DCDC1: variants seen among roughly 807,000 people sequenced by gnomAD.
DCDC1 encodes the protein doublecortin domain-containing protein 1.
Under a neutral mutation model 178.3 loss-of-function variants are expected in DCDC1, and 200 were observed. The observed-to-expected ratio is 1.12, with a 90% CI of 1.00 to 1.26. DCDC1 has a LOEUF of 1.26. DCDC1 is among the 50% of genes most tolerant of loss of function. The pLI, the probability that DCDC1 is intolerant of heterozygous loss-of-function variation, is 0.00. For synonymous variants in DCDC1, 690 were observed against 604.8 expected (o/e 1.14, Z -2.07); for missense variants, 1,983 against 1,749.2 (o/e 1.13, Z -2.38).
intron 20 of DCDC1, among the ~76,000 whole-genome samples, chr11:31,036,494 GT>G (rs1411304968): frequency 6.6e-6 from 1 of 152,138 alleles, no homozygotes; most frequent in Non-Finnish European, 1.5e-5. Context: ...ATTAATAGCA[GT>G]GCCTTCTCTA....
intron 15 of DCDC1, among the ~76,000 whole-genome samples, chr11:31,095,045 T>C (rs1173055629): frequency 6.6e-6 from 1 of 151,350 alleles, no homozygotes; most frequent in Non-Finnish European, 1.5e-5. Flanking sequence ...CATGTGGTGT[T>C]TGGTTTTCTG....
intron 8 of DCDC1, among the ~76,000 whole-genome samples, chr11:31,256,896 C>T (rs1944446372): frequency 6.6e-6 from 1 of 152,092 alleles, no homozygotes; most frequent in South Asian, 2.1e-4. Flanking sequence ...CATTAGTATA[C>T]TGAGGTGGGC....
Position 31,064,465 on chromosome 11 carries a change from C to A in DCDC1, c.2591+4G>T. ...AATAAAGCTCAGTTCTGTCAGTACCCTACCTCTGAGCAGAAGCCTTAGGAT... is the reference window on the plus strand; with the variant it reads ...AATAAAGCTCAGTTCTGTCAGTACCATACCTCTGAGCAGAAGCCTTAGGAT... On this transcript the variant is annotated splice_donor_region_variant and intron_variant, in intron 20 of 38. Coordinates refer to ENST00000684477, the MANE Select transcript of DCDC1 (RefSeq NM_001387274.1). 1 of 764,238 alleles carries A rather than the reference C, an allele frequency of 1.3e-6. No individual in the cohort carries two copies. The allele number at this position is 764,238 out of a possible 1,614,324, so 47.3% of individuals were successfully genotyped here. A position where few individuals can be genotyped will look rare whatever the true frequency, so the allele number is the denominator to read the frequency against.
chr11:31,325,542 A>G (rs528348359), intron 3 of DCDC1, among the ~76,000 whole-genome samples: 60 of 152,098 alleles, frequency 3.9e-4, no homozygotes, highest in Non-Finnish European at 8.1e-4. Context: ...CTGTGTTATA[A>G]GCAAATGCAG....
intron 20 of DCDC1, among the ~76,000 whole-genome samples, chr11:30,998,892 T>TTAACCAAG (rs1298171993): frequency 2.0e-5 from 3 of 152,196 alleles, no homozygotes; most frequent in African/African-American, 7.2e-5. Context: ...AGACACCATC[T>TTAACCAAG]TAACCAAGTG....
At chr11:30,982,814 C>T (rs1428644781) in intron 20 of DCDC1, among the ~76,000 whole-genome samples, 1 of 152,118 alleles carries the variant, frequency 6.6e-6, no homozygotes, top group African/African-American at 2.4e-5. Flanking sequence ...ATTTGTACAG[C>T]ATCCAATGCG....
intron 1 of DCDC1, among the ~76,000 whole-genome samples, chr11:31,367,611 A>G (rs1003934307): frequency 6.6e-6 from 1 of 152,208 alleles, no homozygotes; most frequent in African/African-American, 2.4e-5. Context: ...GCCACTAGTC[A>G]CATGTGGCTA....
chr11:31,208,940 C>CT (rs373257887), intron 9 of DCDC1, among the ~76,000 whole-genome samples: 8 of 152,000 alleles, frequency 5.3e-5, no homozygotes, highest in Admixed American at 1.3e-4. Flanking sequence ...CTGAAATTAT[C>CT]TTTTTTTTAT....
intron 11 of DCDC1, among the ~76,000 whole-genome samples, chr11:31,112,436 G>GC (rs955206487): frequency 6.6e-6 from 1 of 152,040 alleles, no homozygotes. Flanking sequence ...TTTTCTTCCT[G>GC]CCCAATTCTT....
At chr11:30,952,379 A>T in intron 21 of DCDC1, 66 bp downstream of exon 21, 1 of 1,384,626 alleles carries the variant, frequency 7.2e-7, no homozygotes, top group East Asian at 2.4e-5. Flanking sequence ...GTTGTCAGGA[A>T]TTTGACCACA....
rs1951171928 is a variant in DCDC1, at chr11:30,994,848, C to T, written c.2592-42280G>A. On this transcript the variant is annotated intron_variant, in intron 20 of 38. Transcript: ENST00000684477. ...CAATGGTGAGAGACTGAATGTTTCC[C>T]CCTAAAATCAAGAGTAAGACAAAGA... Among the ~76,000 whole-genome samples, 3 of 148,810 alleles carry T rather than the reference C, an allele frequency of 2.0e-5. No individual in the cohort carries two copies. In the South Asian group the frequency reaches 6.3e-4, roughly 31 times the overall value.
intron 20 of DCDC1, among the ~76,000 whole-genome samples, chr11:31,012,792 A>G (rs1952252892): frequency 6.6e-6 from 1 of 152,206 alleles, no homozygotes; most frequent in Non-Finnish European, 1.5e-5. Flanking sequence ...AAGAAACAAA[A>G]TAGTATGTTA....
intron 28 of DCDC1, among the ~76,000 whole-genome samples, chr11:30,910,494 G>A (rs1945366066): frequency 6.6e-6 from 1 of 151,902 alleles, no homozygotes; most frequent in Non-Finnish European, 1.5e-5. Flanking sequence ...TTGGATTCAG[G>A]GCCTGCAAAA....
chr11:30,893,593 T>G (rs1943967959), intron 35 of DCDC1, among the ~76,000 whole-genome samples: 1 of 152,228 alleles, frequency 6.6e-6, no homozygotes, highest in East Asian at 1.9e-4. Flanking sequence ...TTTCTAGGGA[T>G]GTCAATTCCT....
At chr11:31,090,850 AAAGT>A (rs1957780292) in intron 17 of DCDC1, among the ~76,000 whole-genome samples, 1 of 152,210 alleles carries the variant, frequency 6.6e-6, no homozygotes, top group African/African-American at 2.4e-5. Context: ...AAGAAAAAAG[AAAGT>A]GACTAGAAAA....
chr11:31,246,807 T>G (rs1943599096), intron 8 of DCDC1, among the ~76,000 whole-genome samples: 1 of 152,074 alleles, frequency 6.6e-6, no homozygotes, highest in South Asian at 2.1e-4. Context: ...TGTGTACTTT[T>G]GTTTACATGC....
chr11:31,350,361 G>T (rs1186048692), intron 1 of DCDC1, among the ~76,000 whole-genome samples: 1 of 151,834 alleles, frequency 6.6e-6, no homozygotes, highest in East Asian at 1.9e-4. Flanking sequence ...AATTATTTTA[G>T]TTCTACTTAG....
intron 3 of DCDC1, among the ~76,000 whole-genome samples, chr11:31,313,989 A>G (rs1157483128): frequency 6.6e-6 from 1 of 152,128 alleles, no homozygotes; most frequent in Admixed American, 6.5e-5. Context: ...TTTTCATTAC[A>G]TCTGTAAATA....
At chr11:30,948,109 C>T (rs777490483) in intron 21 of DCDC1, among the ~76,000 whole-genome samples, 7 of 152,216 alleles carry the variant, frequency 4.6e-5, no homozygotes, top group Non-Finnish European at 8.8e-5. Context: ...AAAACCTCAT[C>T]ATCTCAGCCC....
Sources: allele counts gnomAD v4.1 joint callset (sites outside exome capture counted in the v4.1 genomes callset), GRCh38; gene constraint gnomAD v4.1.1; transcripts MANE v1.5; gene names NCBI Gene and HGNC (gene_info 2026-07-23, HGNC 2026-07-21).